The following BCL7A variants were observed in gnomAD, a reference collection of about 807,000 sequenced individuals.
The protein encoded by BCL7A is BAF chromatin remodeling complex subunit BCL7A.
BCL7A carries 11 observed loss-of-function variants against 28.4 expected under a neutral mutation model. That is an observed-to-expected ratio of 0.39 (90% CI 0.24 to 0.64). BCL7A has a LOEUF of 0.64. Ranked by LOEUF, BCL7A falls within the 30% of genes least tolerant of loss-of-function variation. The pLI, the probability that BCL7A is intolerant of heterozygous loss-of-function variation, is 0.50. For synonymous variants in BCL7A, 123 were observed against 103.3 expected (o/e 1.19, Z -1.15); for missense variants, 222 against 274.8 (o/e 0.81, Z 1.36).
intron 4 of BCL7A, among the ~76,000 whole-genome samples, chr12:122,049,029 AAAAAAAAT>A (rs1475944332): frequency 1.4e-5 from 1 of 69,002 alleles, no homozygotes; most frequent in African/African-American, 5.9e-5. Context: ...AAAAAAAAAA[AAAAAAAAT>A]ATATATATAT....
chr12:122,054,994 G>T, intron 5 of BCL7A, 68 bp downstream of exon 5: 1 of 1,612,518 alleles, frequency 6.2e-7, no homozygotes, highest in Non-Finnish European at 8.5e-7. Flanking sequence ...TCGGGGGTAC[G>T]TTGAAAGGTG....
At chr12:122,025,099 T>G (rs1883587453) in intron 1 of BCL7A, among the ~76,000 whole-genome samples, 1 of 152,114 alleles carries the variant, frequency 6.6e-6, no homozygotes, top group Admixed American at 6.5e-5. Context: ...GAAAACAAAA[T>G]GGTGGGCCTC....
chr12:122,059,133 G>A lies in BCL7A; in HGVS notation c.603G>A (p.Glu201=). The change falls in exon 6 of 6, where the codon GAG becomes GAA. Residue 201 remains glutamate (E), a synonymous_variant. Coordinates refer to ENST00000261822, the MANE Select transcript of BCL7A (RefSeq NM_001024808.3). This position sits in a 1 kb window ranked among gnomAD's most constrained non-coding sequence, Gnocchi z 4.0. ...GVPPSKKMKL[E]ASQQNSEEM ...CACCCTCTAAAAAGATGAAACTGGA[G>A]GCCTCTCAACAAAACTCCGAAGAGA... The A allele has an allele frequency of 1.2e-6, 2 of 1,612,850 alleles. No individual in the cohort carries two copies.
chr12:122,050,286 CCTT>C (rs1156542082), intron 4 of BCL7A, among the ~76,000 whole-genome samples: 1 of 126,496 alleles, frequency 7.9e-6, no homozygotes, highest in Non-Finnish European at 1.7e-5. Flanking sequence ...AGTCTTGGAT[CCTT>C]CTTTATTGTG....
Position 122,043,944 on chromosome 12 carries a change from C to A in BCL7A, c.330C>A (p.Ser110Arg), listed in dbSNP as rs1242912244. The A allele has an allele frequency of 6.2e-7, 1 of 1,613,928 alleles. No individual in the cohort carries two copies. The highest frequency in any genetic ancestry group is 1.1e-5 in the South Asian group (1 of 91,080). ...CCTCCCCCATCAAACAGGAGAACAG[C>A]AGCAACTCCAGCCCCGCTCCAGAGC... ...ADASPIKQEN[S>R]SNSSPAPEPN... The change falls in exon 4 of 6, where the codon AGC (serine) becomes AGA (arginine). Residue 110 changes from serine (S) to arginine (R), a missense_variant. Transcript: ENST00000261822.
intron 3 of BCL7A, among the ~76,000 whole-genome samples, chr12:122,040,566 T>G (rs1388042300): frequency 6.7e-6 from 1 of 150,252 alleles, no homozygotes; most frequent in Non-Finnish European, 1.5e-5. Flanking sequence ...AGATCCAGAT[T>G]TGTGACCTGG....
chr12:122,025,351 C>T (rs540261728), intron 1 of BCL7A, among the ~76,000 whole-genome samples: 28 of 151,628 alleles, frequency 1.8e-4, no homozygotes, highest in South Asian at 1.3e-3. Flanking sequence ...AAGAGCCGGG[C>T]GCGGTGGCTC....
intron 4 of BCL7A, among the ~76,000 whole-genome samples, chr12:122,050,855 A>G (rs1006610017): frequency 1.3e-5 from 2 of 152,348 alleles, no homozygotes; most frequent in Admixed American, 6.5e-5. Context: ...GAAGGGGGCG[A>G]GAACGCCAGC....
chr12:122,052,322 C>T (rs1440366015), intron 4 of BCL7A, among the ~76,000 whole-genome samples: 2 of 152,188 alleles, frequency 1.3e-5, no homozygotes, highest in Non-Finnish European at 2.9e-5. Context: ...GTGTGAGCAA[C>T]TACACCTGGG....
At chr12:122,024,569 G>A (rs1173140872) in intron 1 of BCL7A, among the ~76,000 whole-genome samples, 1 of 151,646 alleles carries the variant, frequency 6.6e-6, no homozygotes, top group African/African-American at 2.4e-5. Flanking sequence ...CTTCGGATTG[G>A]GTCTTAGACT....
chr12:122,030,875 G>A, intron 2 of BCL7A, 94 bp downstream of exon 2: 1 of 1,323,588 alleles, frequency 7.6e-7, no homozygotes, highest in Non-Finnish European at 1.1e-6. Flanking sequence ...CCACCGTGCT[G>A]GGGCTCTGGG....
Position 122,061,902 on chromosome 12 carries a change from A to AT in BCL7A, c.*2745dup, listed in dbSNP as rs923844029. 1.9e-5 allele frequency: 4 copies of AT among 213,082 alleles called. No homozygotes were observed. Among genetic ancestry groups the AT allele is most frequent in the African/African-American group, 9.2e-5 (4 of 43,398 alleles). The allele number at this position is 213,082 out of a possible 1,614,324, so 13.2% of individuals were successfully genotyped here. On this transcript the variant is annotated 3_prime_UTR_variant, in exon 6 of 6. Coordinates refer to ENST00000261822, the MANE Select transcript of BCL7A (RefSeq NM_001024808.3). ...AAAGACCTTTTTTCACCGTTACCTAATTTTTTCCCCTTTCAAGAATTTTTT... is the reference window on the plus strand; with the variant it reads ...AAAGACCTTTTTTCACCGTTACCTAATTTTTTTCCCCTTTCAAGAATTTTTT...
chr12:122,024,103 T>A (rs572774985), intron 1 of BCL7A, among the ~76,000 whole-genome samples: 3 of 152,268 alleles, frequency 2.0e-5, no homozygotes, highest in East Asian at 1.9e-4. Flanking sequence ...CCTGGAGGCC[T>A]TCCAGCCCGC....
At chr12:122,023,719 T>G (rs1212799001) in intron 1 of BCL7A, among the ~76,000 whole-genome samples, 1 of 152,292 alleles carries the variant, frequency 6.6e-6, no homozygotes, top group Non-Finnish European at 1.5e-5. Flanking sequence ...GGTGCCCGAC[T>G]GGAGCCATTT....
At chr12:122,028,295 C>T (rs1032501378) in intron 1 of BCL7A, among the ~76,000 whole-genome samples, 6 of 152,180 alleles carry the variant, frequency 3.9e-5, no homozygotes, top group East Asian at 1.9e-4. Flanking sequence ...GCGGTGGCCT[C>T]GAGCCTCGCT....
At chr12:122,042,610 A>G (rs1016478227) in intron 3 of BCL7A, among the ~76,000 whole-genome samples, 1 of 150,372 alleles carries the variant, frequency 6.7e-6, no homozygotes, top group Non-Finnish European at 1.5e-5. Context: ...AGATCGCGCC[A>G]TTGCACTCCA....
rs1356840036 is a variant in BCL7A at position 122,054,920 on chromosome 12, C to T, written c.555C>T (p.Ile185=). 2 of 1,614,216 alleles carry T rather than the reference C, an allele frequency of 1.2e-6. No individual in the cohort carries two copies. The highest frequency in any genetic ancestry group is 3.3e-5 in the Admixed American group (2 of 60,024). ...GTCTGGCCGCAGAGACGTCTGCAAT[C>T]TCTCAGGTACCTCGCTCGAGGTCTC... is the stretch of plus-strand genomic sequence containing the variant. ...DSGLAAETSA[I]SQDLEGVPPS... is the part of the protein sequence containing the mutation. Residue 185 remains isoleucine (I), a synonymous_variant, in exon 5 of 6, where the codon ATC becomes ATT. Transcript: ENST00000261822.
chr12:122,037,329 G>C (rs1883876329), intron 3 of BCL7A, among the ~76,000 whole-genome samples: 1 of 152,230 alleles, frequency 6.6e-6, no homozygotes, highest in Non-Finnish European at 1.5e-5. Flanking sequence ...GTACAGCCAG[G>C]TAGTAGTAGA....
At chr12:122,032,308 G>A (rs1298753210) in intron 2 of BCL7A, among the ~76,000 whole-genome samples, 1 of 152,216 alleles carries the variant, frequency 6.6e-6, no homozygotes, top group Non-Finnish European at 1.5e-5. Context: ...AAGGGACTGA[G>A]CCTTGGTCTC....
Sources: allele counts gnomAD v4.1 joint callset (sites outside exome capture counted in the v4.1 genomes callset), GRCh38; gene constraint gnomAD v4.1.1; non-coding constraint Gnocchi (gnomAD v3.1); transcripts MANE v1.5; gene names NCBI Gene and HGNC (gene_info 2026-07-23, HGNC 2026-07-21).